The following FDFT1 variants were observed in gnomAD, a reference collection of about 807,000 sequenced individuals.
FDFT1 encodes farnesyl-diphosphate farnesyltransferase 1.
FDFT1 carries 68 observed loss-of-function variants against 46.8 expected under a neutral mutation model. The ratio of observed to expected loss-of-function variants is 1.45; its 90% CI spans 1.19 to 1.78. The LOEUF is 1.78. FDFT1 is among the 40% of genes most tolerant of loss of function. The pLI, the probability that FDFT1 is intolerant of heterozygous loss-of-function variation, is 0.00. For missense variants in FDFT1, 928 were observed against 524.4 expected, an observed-to-expected ratio of 1.77 and a Z score of -7.52; for synonymous variants, 351 against 185.1, an observed-to-expected ratio of 1.90 and a Z score of -7.28.
chr8:11,832,504 A>G (rs953356462), intron 7 of FDFT1, among the ~76,000 whole-genome samples: 4 of 134,772 alleles, frequency 3.0e-5, no homozygotes, highest in African/African-American at 1.1e-4. Flanking sequence ...AAGCTGTGTG[A>G]TTTCATCATT....
intron 5 of FDFT1, among the ~76,000 whole-genome samples, chr8:11,828,870 C>T (rs1419832076): frequency 6.6e-6 from 1 of 152,214 alleles, no homozygotes; most frequent in Non-Finnish European, 1.5e-5. Flanking sequence ...TAGTATTATT[C>T]CACTGTGTGG....
intron 4 of FDFT1, among the ~76,000 whole-genome samples, chr8:11,822,930 T>C (rs1389469585): frequency 6.6e-6 from 1 of 152,250 alleles, no homozygotes; most frequent in Non-Finnish European, 1.5e-5. Context: ...GGTTGTTGAA[T>C]AGAAGTTTTG....
At chr8:11,801,172 C>T (rs1303727620), upstream of FDFT1, among the ~76,000 whole-genome samples, 2 of 152,094 alleles carry the variant, frequency 1.3e-5, no homozygotes, top group Non-Finnish European at 2.9e-5. Flanking sequence ...GACAAAAAGT[C>T]CTAGGGCCAG....
upstream of FDFT1, chr8:11,801,988 C>T (rs1351754807): frequency 8.8e-6 from 4 of 455,938 alleles, no homozygotes; most frequent in South Asian, 4.6e-5. Flanking sequence ...CACGCCTGGA[C>T]GGGTAGCCAG....
chr8:11,797,279 T>G (rs1350511819), upstream of FDFT1, among the ~76,000 whole-genome samples: 1 of 152,184 alleles, frequency 6.6e-6, no homozygotes, highest in Non-Finnish European at 1.5e-5. Context: ...AGCGGTTGTT[T>G]AAGCCATGGT....
chr8:11,800,834 T>C (rs1310736642), upstream of FDFT1, among the ~76,000 whole-genome samples: 2 of 152,218 alleles, frequency 1.3e-5, no homozygotes, highest in Non-Finnish European at 2.9e-5. Flanking sequence ...TACTTTACTT[T>C]TTATACCGTC....
At chr8:11,807,638 A>T (rs560633727) in intron 1 of FDFT1, among the ~76,000 whole-genome samples, 2 of 152,266 alleles carry the variant, frequency 1.3e-5, no homozygotes, top group African/African-American at 4.8e-5. Context: ...TCTTTCTGAT[A>T]TGCTTGCATT....
intron 7 of FDFT1, among the ~76,000 whole-genome samples, chr8:11,833,012 T>C (rs1298959706): frequency 6.6e-6 from 1 of 152,194 alleles, no homozygotes; most frequent in Non-Finnish European, 1.5e-5. Context: ...TGCACATTCT[T>C]CTTATACTTC....
At chr8:11,827,341 T>G (rs1165982792) in intron 5 of FDFT1, among the ~76,000 whole-genome samples, 1 of 151,776 alleles carries the variant, frequency 6.6e-6, no homozygotes, top group Non-Finnish European at 1.5e-5. Flanking sequence ...TTAAAGAAAG[T>G]AGAAAAAATA....
Position 11,805,590 on chromosome 8 carries a change from G to A in FDFT1, c.99+2659G>A, listed in dbSNP as rs78426726. Among the ~76,000 whole-genome samples the A allele has an allele frequency of 5.3e-5, 8 of 152,296 alleles. No homozygotes were observed. In the East Asian group the frequency reaches 1.5e-3, roughly 29 times the overall value. On this transcript the variant is annotated intron_variant, in intron 1 of 7. Coordinates refer to ENST00000220584, the MANE Select transcript of FDFT1 (RefSeq NM_004462.5). ...CCACAGTTACTTCATCTGTAAAATAGGGATGTATGTATGGTAACGATTTTT... is the reference window on the plus strand; with the variant it reads ...CCACAGTTACTTCATCTGTAAAATAAGGATGTATGTATGGTAACGATTTTT...
chr8:11,820,105 C>G (rs1304511321), intron 3 of FDFT1, among the ~76,000 whole-genome samples: 3 of 152,170 alleles, frequency 2.0e-5, no homozygotes, highest in Non-Finnish European at 4.4e-5. Context: ...GGCCCGTCAG[C>G]TGCAGGTCTG....
At chr8:11,817,565 G>A (rs777388354) in intron 3 of FDFT1, among the ~76,000 whole-genome samples, 1 of 152,180 alleles carries the variant, frequency 6.6e-6, no homozygotes, top group Non-Finnish European at 1.5e-5. Flanking sequence ...TCATTTCAGA[G>A]GTTCAACTTC....
chr8:11,812,093 G>C (rs1807796245), intron 3 of FDFT1, among the ~76,000 whole-genome samples: 1 of 152,266 alleles, frequency 6.6e-6, no homozygotes, highest in South Asian at 2.1e-4. Flanking sequence ...TCTTAGACTG[G>C]GGCAAGTGAA....
intron 1 of FDFT1, among the ~76,000 whole-genome samples, chr8:11,797,226 C>G (rs887360446): frequency 1.3e-5 from 2 of 152,190 alleles, no homozygotes; most frequent in East Asian, 3.9e-4. Flanking sequence ...GGAGTCGAAT[C>G]TCGCCTTCTA....
intron 4 of FDFT1, among the ~76,000 whole-genome samples, chr8:11,825,757 C>G (rs1446118693): frequency 6.6e-6 from 1 of 151,446 alleles, no homozygotes; most frequent in Non-Finnish European, 1.5e-5. Flanking sequence ...ATTATAGTAG[C>G]AGTACATGTG....
chr8:11,809,171 G>A (rs576426332), intron 2 of FDFT1: 8 of 1,269,226 alleles, frequency 6.3e-6, no homozygotes, highest in Middle Eastern at 6.2e-4. Context: ...CCTGTGAGCA[G>A]GTCGTGTATT....
At position 11,835,206 on chromosome 8, in the gene FDFT1, T is replaced by C. The variant is rs117272170; in HGVS notation, c.1033-3182T>C. On this transcript the variant is annotated intron_variant, in intron 7 of 7. Transcript: ENST00000220584. ...CTATGACCTGTCCTTGACAAGCAGA[T>C]GTAACTCCTTGATTGAGGCTAGTAG... is the stretch of plus-strand genomic sequence containing the variant. Among the ~76,000 whole-genome samples, 353 of 152,314 alleles carry C rather than the reference T, an allele frequency of 2.3e-3. 5 individuals carry two copies. The East Asian group carries it at 0.028, about 12-fold the overall frequency.
At chr8:11,795,674 A>T (rs1177799972) in exon 1 of FDFT1, 1 of 151,984 alleles carries the variant, frequency 6.6e-6, no homozygotes, top group Admixed American at 6.6e-5. Flanking sequence ...CACTGCCTTT[A>T]TGAGCTGTAA....
At chr8:11,828,286 T>G (rs1420244538) in intron 5 of FDFT1, among the ~76,000 whole-genome samples, 5 of 147,330 alleles carry the variant, frequency 3.4e-5, no homozygotes, top group African/African-American at 1.2e-4. Context: ...GCAAAACCCT[T>G]GTCTCAAAAC....
Sources: gnomAD v4.1 joint callset for allele counts (sites outside exome capture counted in the v4.1 genomes callset) on GRCh38, gnomAD v4.1.1 for gene constraint, MANE v1.5 for transcripts, NCBI Gene and HGNC (gene_info 2026-07-23, HGNC 2026-07-21) for gene names.